PPM1D: variants seen among roughly 807,000 people sequenced by gnomAD.
The protein encoded by PPM1D is protein phosphatase, Mg2+/Mn2+ dependent 1D, also known as protein phosphatase 1D.
In PPM1D, 52 loss-of-function variants were observed where a neutral mutation model predicts 58.3. The observed-to-expected ratio is 0.89, with a 90% CI of 0.71 to 1.12. The LOEUF (loss-of-function observed/expected upper bound fraction) is 1.12. Ranked by LOEUF, PPM1D falls within the 50% of genes most tolerant of loss-of-function variation. The probability of loss-of-function intolerance (pLI) is 0.00; values close to 1 mark genes in which losing one functional copy is unlikely to be tolerated. For missense variants in PPM1D, 564 were observed against 777.2 expected (o/e 0.73, Z 3.26); for synonymous variants, 278 against 285.1 (o/e 0.98, Z 0.25).
chr17:60,611,273 G>A (rs1232893474), intron 1 of PPM1D, among the ~76,000 whole-genome samples: 1 of 152,140 alleles, frequency 6.6e-6, no homozygotes, highest in Non-Finnish European at 1.5e-5. Context: ...TGCACGCCTT[G>A]GCCTCCTAAA....
intron 4 of PPM1D, 103 bp from the exon 5 acceptor site, chr17:60,656,492 CTTTG>C (rs561490800): frequency 3.5e-5 from 48 of 1,366,840 alleles, no homozygotes; most frequent in Non-Finnish European, 3.8e-5. Context: ...AAATTGGGAG[CTTTG>C]TTTGGGCCAC....
intron 4 of PPM1D, among the ~76,000 whole-genome samples, chr17:60,656,319 G>A (rs888675621): frequency 1.3e-5 from 2 of 151,496 alleles, no homozygotes; most frequent in Non-Finnish European, 2.9e-5. Flanking sequence ...CGGCCATGGT[G>A]GCGGGCGCCT....
intron 2 of PPM1D, among the ~76,000 whole-genome samples, chr17:60,626,375 G>A (rs1190356663): frequency 6.6e-6 from 1 of 151,382 alleles, no homozygotes; most frequent in Non-Finnish European, 1.5e-5. Context: ...GTGTCTCAAT[G>A]ATGTGTTTTT....
intron 3 of PPM1D, among the ~76,000 whole-genome samples, chr17:60,641,548 C>G (rs1208829567): frequency 6.6e-6 from 1 of 152,136 alleles, no homozygotes; most frequent in African/African-American, 2.4e-5. Flanking sequence ...TGTCTGTTTA[C>G]TCTGTTGATA....
At chr17:60,623,230 A>G (rs1371674086) in intron 1 of PPM1D, among the ~76,000 whole-genome samples, 1 of 152,142 alleles carries the variant, frequency 6.6e-6, no homozygotes, top group African/African-American at 2.4e-5. Flanking sequence ...TTTCCTATCA[A>G]TGTAGTTAGG....
intron 1 of PPM1D, among the ~76,000 whole-genome samples, chr17:60,616,311 AAAAAG>A (rs922548907): frequency 1.3e-5 from 2 of 151,778 alleles, no homozygotes; most frequent in Admixed American, 6.6e-5. Context: ...AAGGAAAACT[AAAAAG>A]AAAAGAAAAA....
chr17:60,655,625 G>A (rs148732551), intron 4 of PPM1D, among the ~76,000 whole-genome samples: 1,929 of 152,094 alleles, frequency 0.013, 39 homozygotes, highest in African/African-American at 0.044. Context: ...GGGATTAAAG[G>A]CGTGAGCCAC....
At chr17:60,609,067 C>T (rs558589863) in intron 1 of PPM1D, among the ~76,000 whole-genome samples, 1 of 147,756 alleles carries the variant, frequency 6.8e-6, no homozygotes, top group Non-Finnish European at 1.5e-5. Flanking sequence ...ATATCTTTAA[C>T]CAATATACAG....
intron 3 of PPM1D, among the ~76,000 whole-genome samples, chr17:60,640,073 C>T (rs1433594045): frequency 1.3e-5 from 2 of 152,178 alleles, no homozygotes; most frequent in Non-Finnish European, 2.9e-5. Flanking sequence ...AATTCTAACA[C>T]TTTGGGAGGC....
At chr17:60,605,229 A>G (rs993382626) in intron 1 of PPM1D, among the ~76,000 whole-genome samples, 2 of 152,230 alleles carry the variant, frequency 1.3e-5, no homozygotes, top group Non-Finnish European at 2.9e-5. Context: ...AGGTACCAGT[A>G]GTTTACCAGC....
chr17:60,644,974 T>C (rs1284600283), intron 3 of PPM1D, among the ~76,000 whole-genome samples: 1 of 152,144 alleles, frequency 6.6e-6, no homozygotes, highest in Non-Finnish European at 1.5e-5. Context: ...ATACCACATA[T>C]CTTAGTCAAA....
chr17:60,607,304 C>T (rs148692139), intron 1 of PPM1D, among the ~76,000 whole-genome samples: 251 of 151,934 alleles, frequency 1.7e-3, no homozygotes, highest in African/African-American at 4.3e-3. Flanking sequence ...ATTTTTGAGA[C>T]GGAGTTTTGC....
Position 60,656,671 on chromosome 17 carries a change from C to T in PPM1D, c.1090C>T (p.Arg364Ter), listed in dbSNP as rs1316246346. Residue 364 changes from arginine to a stop codon, truncating the protein, a stop_gained, in exon 5 of 6, where the codon CGA becomes TGA. Transcript: ENST00000305921. LOFTEE classifies it high-confidence loss of function. ...GGGCCGCTGGAGGCAGCGTATGCTC[C>T]GAGCAGATAACACTAGTGCCATAGT... Reference protein sequence around the residue: ...ALGRWRQRMLRADNTSAIVIC... With the variant: ...ALGRWRQRML 1 of 1,614,128 alleles carries T rather than the reference C, an allele frequency of 6.2e-7. No homozygotes were observed. Among genetic ancestry groups the T allele is most frequent in the Non-Finnish European group, 8.5e-7 (1 of 1,180,032 alleles).
At position 60,600,816 on chromosome 17, in the gene PPM1D, G is replaced by T; in HGVS notation, c.402G>T (p.Glu134Asp). 1 of 1,613,076 alleles carries T rather than the reference G, an allele frequency of 6.2e-7. No individual in the cohort carries two copies. The highest frequency in any genetic ancestry group is 8.5e-7 in the Non-Finnish European group (1 of 1,180,010). The change falls in exon 1 of 6, where the codon GAG becomes GAT. Residue 134 changes from glutamate to aspartate, a missense_variant. By Grantham distance (45) the Glu-to-Asp change is conservative. This residue lies in a region of PPM1D where 23 missense variants were observed against 28.9 expected (regional missense o/e 0.80). Coordinates refer to ENST00000305921, the MANE Select transcript of PPM1D (RefSeq NM_003620.4). Reference protein sequence around the residue: ...IKKQKGFTSSEPAKVCAAIRK... With the variant: ...IKKQKGFTSSDPAKVCAAIRK... ...AGCAGAAGGGTTTCACCTCGTCCGA[G>T]CCGGCTAAGGTTTGCGCTGCCATCC...
intron 3 of PPM1D, among the ~76,000 whole-genome samples, chr17:60,634,919 T>C (rs1056041323): frequency 6.6e-6 from 1 of 152,130 alleles, no homozygotes; most frequent in Non-Finnish European, 1.5e-5. Context: ...TAACTGGGAC[T>C]ACAGGTGTGA....
intron 2 of PPM1D, among the ~76,000 whole-genome samples, chr17:60,627,482 C>T (rs368208491): frequency 2.6e-5 from 4 of 151,572 alleles, no homozygotes; most frequent in African/African-American, 7.3e-5. Flanking sequence ...AGTGCAGTGG[C>T]GGGATCTGGG....
chr17:60,627,093 G>A (rs1393532255), intron 2 of PPM1D, among the ~76,000 whole-genome samples: 1 of 152,124 alleles, frequency 6.6e-6, no homozygotes, highest in Admixed American at 6.6e-5. Context: ...TATGCTCCTG[G>A]AACTTTTTCC....
At chr17:60,603,566 C>T (rs2030266072) in intron 1 of PPM1D, among the ~76,000 whole-genome samples, 1 of 152,158 alleles carries the variant, frequency 6.6e-6, no homozygotes, top group Non-Finnish European at 1.5e-5. Flanking sequence ...AGTTTGAGAC[C>T]AGCCTGGCCA....
chr17:60,653,248 TA>T (rs1483773145), intron 4 of PPM1D, among the ~76,000 whole-genome samples: 1 of 152,174 alleles, frequency 6.6e-6, no homozygotes, highest in Admixed American at 6.5e-5. Flanking sequence ...TGATGAGAGA[TA>T]GGGGTATAGT....
Sources: gnomAD v4.1 joint callset for allele counts (sites outside exome capture counted in the v4.1 genomes callset) on GRCh38, gnomAD v4.1.1 for gene constraint, gnomAD v4.1.1 regional missense constraint, MANE v1.5 for transcripts, NCBI Gene and HGNC (gene_info 2026-07-23, HGNC 2026-07-21) for gene names.